ACSS2: variants seen among roughly 807,000 people sequenced by gnomAD.
ACSS2 encodes acetyl-coenzyme A synthetase, cytoplasmic.
In ACSS2, 58 loss-of-function variants were observed where a neutral mutation model predicts 90.6. The ratio of observed to expected loss-of-function variants is 0.64; its 90% confidence interval spans 0.52 to 0.80. The LOEUF (loss-of-function observed/expected upper bound fraction) is 0.80, where lower values mean the gene tolerates loss of function less well. Among genes scored for constraint, ACSS2 ranks in the 30% least tolerant of loss-of-function variants. The probability of loss-of-function intolerance (pLI) is 0.00; values close to 1 mark genes in which losing one functional copy is unlikely to be tolerated. For synonymous variants in ACSS2, 300 were observed against 330.9 expected (o/e 0.91, Z 1.01); for missense variants, 759 against 912.0 (o/e 0.83, Z 2.16).
intron 7 of ACSS2, 57 bp downstream of exon 7, chr20:34,914,494 C>T: frequency 6.9e-7 from 1 of 1,458,204 alleles, no homozygotes; most frequent in Non-Finnish European, 9.3e-7. Flanking sequence ...CTTTTCCTGC[C>T]TAGAAAATTC....
intron 2 of ACSS2, among the ~76,000 whole-genome samples, chr20:34,911,670 T>G (rs865782449): frequency 5.9e-5 from 9 of 152,188 alleles, no homozygotes; most frequent in African/African-American, 1.9e-4. Flanking sequence ...TCACTCATTT[T>G]TATATCATTC....
rs1293232618 is a variant in ACSS2, at chr20:34,913,194, G to T, written c.466+7G>T. 1.1e-5 allele frequency: 18 copies of T among 1,613,834 alleles called. No individual in the cohort carries two copies. Among genetic ancestry groups the T allele is most frequent in the Non-Finnish European group, 1.4e-5 (16 of 1,179,860 alleles). On this transcript the variant is annotated splice_region_variant and intron_variant, in intron 3 of 17. Coordinates refer to ENST00000360596, the MANE Select transcript of ACSS2 (RefSeq NM_018677.4). ...AATGTTCTCCGAAAACAGGGTGAGTGTGGGGGTGTGGGAAAGGACTGGGGG... is the reference window on the plus strand; with the variant it reads ...AATGTTCTCCGAAAACAGGGTGAGTTTGGGGGTGTGGGAAAGGACTGGGGG...
intron 2 of ACSS2, among the ~76,000 whole-genome samples, chr20:34,889,154 G>A (rs1010340584): frequency 2.6e-5 from 4 of 151,604 alleles, no homozygotes; most frequent in South Asian, 2.1e-4. Context: ...ATGGAGTCTC[G>A]CTCTGTTGCC....
upstream of ACSS2, chr20:34,876,564 C>T (rs895160337): frequency 7.8e-7 from 1 of 1,278,906 alleles, no homozygotes; most frequent in Non-Finnish European, 9.9e-7. Context: ...TACGGAGGCC[C>T]CGCCTCTAGT....
At chr20:34,919,226 A>G (rs1159567537) in intron 7 of ACSS2, among the ~76,000 whole-genome samples, 1 of 151,988 alleles carries the variant, frequency 6.6e-6, no homozygotes, top group Non-Finnish European at 1.5e-5. Context: ...TGGGGTAGAG[A>G]TGGGGGTAGG....
At chr20:34,877,909 C>CAGATAGATAGATAGATAGAT (rs71196766) in intron 1 of ACSS2, among the ~76,000 whole-genome samples, 8,339 of 146,556 alleles carry the variant, frequency 0.057, 250 homozygotes, top group South Asian at 0.091. Flanking sequence ...GATAGATAGA[C>CAGATAGATAGATAGATAGAT]AGATAGATAG....
intron 10 of ACSS2, 61 bp downstream of exon 10, chr20:34,921,200 G>C: frequency 1.2e-6 from 2 of 1,611,736 alleles, no homozygotes; most frequent in South Asian, 1.1e-5. Context: ...GCTGGCCTTT[G>C]TACAGTCTCT....
intron 3 of ACSS2, 103 bp downstream of exon 3, chr20:34,913,290 A>G: frequency 6.5e-7 from 1 of 1,549,508 alleles, no homozygotes; most frequent in Non-Finnish European, 8.9e-7. Context: ...ATTTGGTAAC[A>G]GAGGAAGAGA....
intron 7 of ACSS2, among the ~76,000 whole-genome samples, chr20:34,917,905 A>G (rs770277004): frequency 2.0e-5 from 3 of 152,094 alleles, no homozygotes; most frequent in Non-Finnish European, 4.4e-5. Flanking sequence ...GGTGTCTACC[A>G]CCACGCCTGG....
chr20:34,896,346 G>A (rs2080459913), intron 2 of ACSS2, among the ~76,000 whole-genome samples: 1 of 152,178 alleles, frequency 6.6e-6, no homozygotes, highest in Non-Finnish European at 1.5e-5. Flanking sequence ...GTCCCAGACT[G>A]AGCCCACTGT....
At chr20:34,920,390 G>A (rs1286559393) in intron 8 of ACSS2, 149 bp from the exon 9 acceptor site, 3 of 683,216 alleles carry the variant, frequency 4.4e-6, no homozygotes, top group Non-Finnish European at 7.3e-6. Flanking sequence ...ATGGAGAAAA[G>A]GAGATGGAAG....
chr20:34,919,587 G>A lies in ACSS2; in HGVS notation c.972+15G>A, dbSNP rs773795964. ...GCAAACCCAAGGCAAGTGTGTGTGT[G>A]TGTGTGTGTGTGTGTGTGTGTGTGT... On this transcript the variant is annotated intron_variant, in intron 8 of 17. Coordinates refer to ENST00000360596, the MANE Select transcript of ACSS2 (RefSeq NM_018677.4). 17 of 1,475,550 alleles carry A rather than the reference G, an allele frequency of 1.2e-5. No homozygotes were observed. In the South Asian group the frequency reaches 1.4e-4, roughly 12 times the overall value. 91.4% of individuals were successfully genotyped at this position (1,475,550 alleles called of 1,614,324 possible). A position where few individuals can be genotyped will look rare whatever the true frequency, so the allele number is the denominator to read the frequency against.
At chr20:34,898,559 C>T (rs1314148815) in intron 2 of ACSS2, among the ~76,000 whole-genome samples, 1 of 152,050 alleles carries the variant, frequency 6.6e-6, no homozygotes, top group African/African-American at 2.4e-5. Context: ...ATTTACAATC[C>T]CTGAGCTAGA....
intron 6 of ACSS2, 68 bp from the exon 7 acceptor site, chr20:34,914,255 A>T (rs2081030361): frequency 3.7e-6 from 6 of 1,601,504 alleles, no homozygotes; most frequent in Non-Finnish European, 4.3e-6. Flanking sequence ...CTAAATGGAC[A>T]TGGGTGGGTC....
intron 2 of ACSS2, among the ~76,000 whole-genome samples, chr20:34,902,358 ATAGTT>A (rs1399900042): frequency 2.0e-5 from 3 of 152,214 alleles, no homozygotes; most frequent in Non-Finnish European, 4.4e-5. Flanking sequence ...CAAAAGAAGT[ATAGTT>A]TGAGAAAAAT....
chr20:34,886,389 C>T (rs1453312394), intron 2 of ACSS2, among the ~76,000 whole-genome samples: 4 of 151,968 alleles, frequency 2.6e-5, no homozygotes, highest in South Asian at 2.1e-4. Context: ...GAAGCAGAGG[C>T]GGGCAGATCA....
chr20:34,927,550 T>C lies in ACSS2; in HGVS notation c.*336T>C. The C allele has an allele frequency of 3.2e-6, 1 of 316,434 alleles. No individual in the cohort carries two copies. 19.6% of individuals were successfully genotyped at this position (316,434 alleles called of 1,614,324 possible). ...CTGAAGCAGGGAGGCAGCTGTGTAATCCTATGTCAGCTCTCTTAGGAAGCC... is the reference window on the plus strand; with the variant it reads ...CTGAAGCAGGGAGGCAGCTGTGTAACCCTATGTCAGCTCTCTTAGGAAGCC... On this transcript the variant is annotated 3_prime_UTR_variant, in exon 18 of 18. Transcript: ENST00000360596. This position sits in a 1 kb window ranked among gnomAD's most constrained non-coding sequence, Gnocchi z 4.2.
chr20:34,915,133 G>T (rs1396560768), intron 7 of ACSS2: 9 of 1,445,042 alleles, frequency 6.2e-6, no homozygotes, highest in Non-Finnish European at 8.8e-6. Context: ...GGGAGTTTGG[G>T]GTTTATGACA....
At chr20:34,921,698 G>A in intron 12 of ACSS2, 88 bp from the exon 13 acceptor site, 1 of 1,609,532 alleles carries the variant, frequency 6.2e-7, no homozygotes, top group Non-Finnish European at 8.5e-7. Context: ...TGACATGTGT[G>A]AAGAATTTGG....
Sources: gnomAD v4.1 joint callset for allele counts (sites outside exome capture counted in the v4.1 genomes callset) on GRCh38, gnomAD v4.1.1 for gene constraint, Gnocchi (gnomAD v3.1) non-coding constraint, MANE v1.5 for transcripts, NCBI Gene and HGNC (gene_info 2026-07-23, HGNC 2026-07-21) for gene names.